PCDHA5: variants seen among roughly 807,000 people sequenced by gnomAD.
PCDHA5 encodes protocadherin alpha 5.
Under a neutral mutation model 61.6 loss-of-function variants are expected in PCDHA5, and 43 were observed. The ratio of observed to expected loss-of-function variants is 0.70; its 90% confidence interval spans 0.55 to 0.90. The LOEUF (loss-of-function observed/expected upper bound fraction) is 0.90. Among genes scored for constraint, PCDHA5 ranks in the 40% least tolerant of loss-of-function variants. The pLI is 0.00. For missense variants in PCDHA5, 1,298 were observed against 1,222.7 expected (o/e 1.06, Z -0.92); for synonymous variants, 627 against 543.9 (o/e 1.15, Z -2.13).
chr5:140,997,817 A>G (rs570760153), intron 3 of PCDHA5, among the ~76,000 whole-genome samples: 2 of 152,306 alleles, frequency 1.3e-5, no homozygotes, highest in South Asian at 4.1e-4. Flanking sequence ...GTTGGTATCT[A>G]TGTTTTCTAA....
intron 1 of PCDHA5, among the ~76,000 whole-genome samples, chr5:140,943,363 T>C (rs1192531762): frequency 2.0e-5 from 3 of 148,712 alleles, no homozygotes; most frequent in Non-Finnish European, 4.5e-5. Flanking sequence ...GGAAAGGAGA[T>C]CATTAAAATA....
chr5:140,891,433 G>A (rs1256174929), intron 1 of PCDHA5, among the ~76,000 whole-genome samples: 1 of 145,874 alleles, frequency 6.9e-6, no homozygotes, highest in African/African-American at 2.6e-5. Flanking sequence ...AGTCCCCAAC[G>A]TCCATTGTAT....
intron 1 of PCDHA5, among the ~76,000 whole-genome samples, chr5:140,890,783 A>G (rs150043569): frequency 1.3e-5 from 2 of 152,302 alleles, no homozygotes; most frequent in African/African-American, 4.8e-5. Context: ...CCCATAAGAT[A>G]TTAGTATTAT....
intron 1 of PCDHA5, among the ~76,000 whole-genome samples, chr5:140,945,731 A>G (rs1021363337): frequency 2.6e-5 from 4 of 152,144 alleles, no homozygotes; most frequent in Non-Finnish European, 4.4e-5. Flanking sequence ...TACAATGGAA[A>G]AAGGACAGCC....
chr5:140,918,032 A>G (rs528006913), intron 1 of PCDHA5, among the ~76,000 whole-genome samples: 2 of 152,224 alleles, frequency 1.3e-5, no homozygotes, highest in East Asian at 1.9e-4. Context: ...TGAGCGTGGA[A>G]GGTCTTTCCA....
chr5:140,944,569 G>A (rs2093670092), intron 1 of PCDHA5, among the ~76,000 whole-genome samples: 1 of 152,158 alleles, frequency 6.6e-6, no homozygotes, highest in African/African-American at 2.4e-5. Context: ...GCAACTTACT[G>A]TAGAGATCAC....
intron 1 of PCDHA5, chr5:140,968,131 G>A (rs1485866692): frequency 1.2e-6 from 2 of 1,614,042 alleles, no homozygotes; most frequent in African/African-American, 1.3e-5. Context: ...TGCGTACACT[G>A]AAGGTTGAGA....
rs142866496 is a variant in PCDHA5, at chr5:140,917,224, G to A, written c.2353-61725G>A. Among the ~76,000 whole-genome samples, 29 of 151,040 alleles carry A rather than the reference G, an allele frequency of 1.9e-4. No homozygotes were observed. In the East Asian group the frequency reaches 2.2e-3, roughly 11 times the overall value. ...TCTTCAATGCCTCTTTTAGTGATAC[G>A]TTGTTAAATCTAGGTACTACGATTG... On this transcript the variant is annotated intron_variant, in intron 1 of 3. Transcript: ENST00000529859.
intron 1 of PCDHA5, among the ~76,000 whole-genome samples, chr5:140,917,503 T>G (rs1423295268): frequency 6.6e-6 from 1 of 152,208 alleles, no homozygotes; most frequent in African/African-American, 2.4e-5. Flanking sequence ...AGAATGATAT[T>G]TTCTAGGTTT....
Position 140,823,224 on chromosome 5 carries a change from G to T in PCDHA5, c.1449G>T (p.Ala483=), listed in dbSNP as rs2150123702. 6 of 1,613,550 alleles carry T rather than the reference G, an allele frequency of 3.7e-6. No homozygotes were observed. The Admixed American group carries it at 6.7e-5, about 18-fold the overall frequency. Residue 483 remains alanine, a synonymous_variant, in exon 1 of 4, where the codon GCG becomes GCT. Coordinates refer to ENST00000529859, the MANE Select transcript of PCDHA5 (RefSeq NM_018908.3). Reference sequence around the variant, plus strand: ...CGGTGTCTGCACGGGACGCGGACGCGCAGGAGAACGCCCTGGTGTCCTACT... The same window carrying T: ...CGGTGTCTGCACGGGACGCGGACGCTCAGGAGAACGCCCTGGTGTCCTACT... ...IFTVSARDAD[A]QENALVSYSL... is the part of the protein sequence containing the mutation.
rs199848124 is a variant in PCDHA5 at position 140,875,823 on chromosome 5, C to T, written c.2352+51696C>T. 3,681 of 1,614,172 alleles carry T rather than the reference C, an allele frequency of 2.3e-3. 15 individuals carry two copies. Among genetic ancestry groups the T allele is most frequent in the Middle Eastern group, 9.6e-3 (58 of 6,062 alleles). The stretch of plus-strand genomic sequence containing the variant: ...TCGTGGACAGGCCGCTGCAGGTTTT[C>T]CATGTGGACGTGGAGGTGAAGGACA... On this transcript the variant is annotated intron_variant, in intron 1 of 3. Transcript: ENST00000529859.
At chr5:140,982,253 A>T (rs1209317234) in intron 2 of PCDHA5, 1 of 777,640 alleles carries the variant, frequency 1.3e-6, no homozygotes, top group African/African-American at 1.8e-5. Flanking sequence ...AAGATAGAAC[A>T]TGTGTGTTCC....
At chr5:140,994,562 G>A (rs1554254244) in intron 3 of PCDHA5, among the ~76,000 whole-genome samples, 2 of 152,094 alleles carry the variant, frequency 1.3e-5, no homozygotes, top group Non-Finnish European at 2.9e-5. Context: ...AAAATTAGCC[G>A]GGTGTGGTGG....
chr5:141,005,000 G>A (rs2098192261), intron 3 of PCDHA5, among the ~76,000 whole-genome samples: 1 of 152,176 alleles, frequency 6.6e-6, no homozygotes, highest in Non-Finnish European at 1.5e-5. Context: ...GGTCTCCTAA[G>A]CCCTGAGAGC....
rs148102793 is a variant in PCDHA5 at position 140,873,087 on chromosome 5, G to A, written c.2352+48960G>A. Among the ~76,000 whole-genome samples, 818 of 152,138 alleles carry A rather than the reference G, an allele frequency of 5.4e-3. 4 individuals carry two copies. Among genetic ancestry groups the A allele is most frequent in the Middle Eastern group, 0.014 (4 of 294 alleles). On this transcript the variant is annotated intron_variant, in intron 1 of 3. Coordinates refer to ENST00000529859, the MANE Select transcript of PCDHA5 (RefSeq NM_018908.3). ...AATCATATCTAGCTATTTCCCCCCC[G>A]TATAGAGGCATAACATACCATTTGG...
At chr5:140,827,709 A>G (rs1769373019) in intron 1 of PCDHA5, among the ~76,000 whole-genome samples, 1 of 152,354 alleles carries the variant, frequency 6.6e-6, no homozygotes, top group Non-Finnish European at 1.5e-5. Context: ...TGTTGCAAAT[A>G]TTGGTAGAAA....
chr5:141,000,395 C>CTCTCTA (rs1213762225), intron 3 of PCDHA5, among the ~76,000 whole-genome samples: 5 of 53,980 alleles, frequency 9.3e-5, no homozygotes, highest in East Asian at 6.1e-4. Flanking sequence ...CTCTCTCTCT[C>CTCTCTA]TATATATATA....
Position 140,842,578 on chromosome 5 carries a change from G to C in PCDHA5, c.2352+18451G>C, listed in dbSNP as rs2150339831. On this transcript the variant is annotated intron_variant, in intron 1 of 3. Transcript: ENST00000529859. ...GCGCCCTGGACCGCGAGAGAGTGTC[G>C]GCCTATGAGTTGGTGGTAACCGCGC... 18 of 1,515,278 alleles carry C rather than the reference G, an allele frequency of 1.2e-5. 1 individual carries two copies. The highest frequency in any genetic ancestry group is 1.5e-5 in the Non-Finnish European group (17 of 1,114,964). 93.9% of individuals were successfully genotyped at this position (1,515,278 alleles called of 1,614,324 possible). A position where few individuals can be genotyped will look rare whatever the true frequency, so the allele number is the denominator to read the frequency against.
chr5:140,842,835 C>T (rs146745311), intron 1 of PCDHA5: 10 of 1,593,736 alleles, frequency 6.3e-6, no homozygotes, highest in African/African-American at 1.3e-5. Flanking sequence ...CGCTCGCTGT[C>T]GAGCTACATT....
Sources: gnomAD v4.1 joint callset for allele counts (sites outside exome capture counted in the v4.1 genomes callset) on GRCh38, gnomAD v4.1.1 for gene constraint, MANE v1.5 for transcripts, NCBI Gene and HGNC (gene_info 2026-07-23, HGNC 2026-07-21) for gene names.